Variants in MSX2 observed in about 807,000 individuals in gnomAD.
The protein encoded by MSX2 is msh homeobox 2, also known as homeobox protein MSX-2.
A neutral mutation model predicts 18.4 loss-of-function variants in MSX2; 10 were observed. That is an observed-to-expected ratio of 0.54 (90% CI 0.34 to 0.92). MSX2 has a LOEUF of 0.92. Among genes scored for constraint, MSX2 ranks in the 40% least tolerant of loss-of-function variants. The pLI, the probability that MSX2 is intolerant of heterozygous loss-of-function variation, is 0.02. For synonymous variants in MSX2, 170 were observed against 165.6 expected (o/e 1.03, Z -0.20); for missense variants, 339 against 364.0 (o/e 0.93, Z 0.56).
At chr5:174,727,005 C>T (rs1296527617) in intron 1 of MSX2, among the ~76,000 whole-genome samples, 1 of 151,772 alleles carries the variant, frequency 6.6e-6, no homozygotes, top group Non-Finnish European at 1.5e-5. Context: ...TTCTGAGAAC[C>T]GAGTTTATAA....
chr5:174,726,729 T>C (rs1760808415), intron 1 of MSX2, among the ~76,000 whole-genome samples: 1 of 152,130 alleles, frequency 6.6e-6, no homozygotes, highest in African/African-American at 2.4e-5. Flanking sequence ...TTATCGACAG[T>C]GAGGTAGAGG....
Position 174,725,009 on chromosome 5 carries a change from A to G in MSX2, c.350A>G (p.Gln117Arg). Residue 117 changes from glutamine (Q) to arginine (R), a missense_variant, in exon 1 of 2, where the codon CAG becomes CGG. Physicochemically the swap from Gln to Arg is conservative, Grantham distance 43. This residue lies in a region of MSX2 where 211 missense variants were observed against 185.4 expected (regional missense o/e 1.14). Coordinates refer to ENST00000239243, the MANE Select transcript of MSX2 (RefSeq NM_002449.5). Reference sequence around the variant, plus strand: ...TCAGAAGATGGAGCGGCGTGGATGCAGGAACCCGGCCGATATTCGCCGCCG... The same window carrying G: ...TCAGAAGATGGAGCGGCGTGGATGCGGGAACCCGGCCGATATTCGCCGCCG... Reference protein sequence around the residue: ...ENSEDGAAWMQEPGRYSPPPR... With the variant: ...ENSEDGAAWMREPGRYSPPPR... 8.7e-6 allele frequency: 14 copies of G among 1,610,608 alleles called. No individual in the cohort carries two copies. The highest frequency in any genetic ancestry group is 1.0e-5 in the Non-Finnish European group (12 of 1,179,472).
At position 174,725,020 on chromosome 5, in the gene MSX2, C is replaced by G; in HGVS notation, c.361C>G (p.Arg121Gly). 3 of 1,610,604 alleles carry G rather than the reference C, an allele frequency of 1.9e-6. No homozygotes were observed. Among genetic ancestry groups the G allele is most frequent in the Middle Eastern group, 1.7e-4 (1 of 6,058 alleles). The part of the protein sequence containing the change: ...DGAAWMQEPG[R>G]YSPPPRHMSP... ...AGCGGCGTGGATGCAGGAACCCGGC[C>G]GATATTCGCCGCCGCCAAGTGAGTG... The change falls in exon 1 of 2, where the codon CGA (arginine) becomes GGA (glycine). Residue 121 changes from arginine to glycine, a missense_variant. Coordinates refer to ENST00000239243, the MANE Select transcript of MSX2 (RefSeq NM_002449.5).
rs1760872105 is a variant in MSX2 at position 174,729,238 on chromosome 5, G to A, written c.459G>A (p.Gln153=). The A allele has an allele frequency of 6.2e-7, 1 of 1,614,126 alleles. No individual in the cohort carries two copies. Among genetic ancestry groups the A allele is most frequent in the East Asian group, 2.2e-5 (1 of 44,866 alleles). Residue 153 remains glutamine (Q), a synonymous_variant, in exon 2 of 2, where the codon CAG becomes CAA. Coordinates refer to ENST00000239243, the MANE Select transcript of MSX2 (RefSeq NM_002449.5). The part of the protein sequence containing the change: ...RKPRTPFTTS[Q]LLALERKFRQ... ...CGCGCACGCCCTTTACCACATCCCA[G>A]CTCCTCGCCCTGGAGCGCAAGTTCC...
chr5:174,730,835 C>T lies in MSX2; in HGVS notation c.*1252C>T, dbSNP rs1172220797. On this transcript the variant is annotated 3_prime_UTR_variant, in exon 2 of 2. Transcript: ENST00000239243. Reference sequence around the variant, plus strand: ...TTGATATATTTTATTGAAGAGTTATCTCTTATTCTGAATTAAATTAAGCAT... The same window carrying T: ...TTGATATATTTTATTGAAGAGTTATTTCTTATTCTGAATTAAATTAAGCAT... The T allele has an allele frequency of 5.2e-5, 8 of 152,566 alleles. No individual in the cohort carries two copies. The highest frequency in any genetic ancestry group is 2.0e-4 in the Admixed American group (3 of 15,272). 9.5% of individuals were successfully genotyped at this position (152,566 alleles called of 1,614,324 possible).
At chr5:174,725,287 G>T (rs1760766209) in intron 1 of MSX2, among the ~76,000 whole-genome samples, 4 of 152,222 alleles carry the variant, frequency 2.6e-5, no homozygotes, top group Non-Finnish European at 1.5e-5. Context: ...CATACAGATT[G>T]TTTTTTCAAG....
Position 174,724,617 on chromosome 5 carries a change from C to G in MSX2, c.-43C>G, listed in dbSNP as rs1030537362. 3.8e-6 allele frequency: 6 copies of G among 1,560,664 alleles called. No homozygotes were observed. In the Admixed American group the frequency reaches 5.7e-5, roughly 15 times the overall value. On this transcript the variant is annotated 5_prime_UTR_variant, in exon 1 of 2. Transcript: ENST00000239243. ...AGTTTGAGTCGCCGCTGCCGGGTTG[C>G]CAGCGGAGTCGCGCGTCGGGAGCTA... is the stretch of plus-strand genomic sequence containing the variant.
chr5:174,725,080 A>C (rs1361765346), intron 1 of MSX2, 42 bp downstream of exon 1: 1 of 1,603,974 alleles, frequency 6.2e-7, no homozygotes, highest in South Asian at 1.1e-5. Flanking sequence ...AGCGCGGGGT[A>C]CTGGAGGGAG....
At chr5:174,726,760 A>G (rs1760808844) in intron 1 of MSX2, among the ~76,000 whole-genome samples, 2 of 152,128 alleles carry the variant, frequency 1.3e-5, no homozygotes, top group African/African-American at 4.8e-5. Flanking sequence ...TAAAAGACTT[A>G]ATTTGTTTAA....
At position 174,724,956 on chromosome 5, in the gene MSX2, C is replaced by A; in HGVS notation, c.297C>A (p.Phe99Leu). ...GCCCCGGGCCGCTGGTGAAGCCCTT[C>A]GAGACCGCCTCGGTCAAGTCGGAAA... ...AHSPGPLVKP[F>L]ETASVKSENS... Residue 99 changes from phenylalanine to leucine, a missense_variant, in exon 1 of 2, where the codon TTC becomes TTA. Transcript: ENST00000239243. 1 of 1,599,842 alleles carries A rather than the reference C, an allele frequency of 6.3e-7. No homozygotes were observed. Among genetic ancestry groups the A allele is most frequent in the Non-Finnish European group, 8.5e-7 (1 of 1,175,354 alleles).
Position 174,729,671 on chromosome 5 carries a change from C to G in MSX2, c.*88C>G, listed in dbSNP as rs936783798. On this transcript the variant is annotated 3_prime_UTR_variant, in exon 2 of 2. Transcript: ENST00000239243. ...CACGAAGGCAGTACCAGCCAGTACT[C>G]CTGCTCTGCTAACCCTGCGTGCACC... is the stretch of plus-strand genomic sequence containing the variant. 7.2e-7 allele frequency: 1 copy of G among 1,386,194 alleles called. No homozygotes were observed. The allele number at this position is 1,386,194 out of a possible 1,614,324, so 85.9% of individuals were successfully genotyped here.
chr5:174,728,234 A>G (rs1760845989), intron 1 of MSX2, among the ~76,000 whole-genome samples: 3 of 152,206 alleles, frequency 2.0e-5, no homozygotes, highest in Non-Finnish European at 4.4e-5. Flanking sequence ...GATGACTAAG[A>G]TGTCATCACG....
In MSX2 at chr5:174,730,582, A is replaced by AG. The variant is rs1356963137; in HGVS notation, c.*999_*1000insG. On this transcript the variant is annotated 3_prime_UTR_variant, in exon 2 of 2. Transcript: ENST00000239243. Reference sequence around the variant, plus strand: ...TGAACAATTAGTAGATCCAGAAAGAAAAAAAAATATGCTTTCTCTGTGTGT... The same window carrying AG: ...TGAACAATTAGTAGATCCAGAAAGAAGAAAAAAATATGCTTTCTCTGTGTGT... 6.6e-6 allele frequency: 1 copy of AG among 152,114 alleles called. No homozygotes were observed. The highest frequency in any genetic ancestry group is 1.5e-5 in the Non-Finnish European group (1 of 67,896). 9.4% of individuals were successfully genotyped at this position (152,114 alleles called of 1,614,324 possible).
In MSX2 at chr5:174,729,495, C is replaced by T. The variant is rs1176289041; in HGVS notation, c.716C>T (p.Ser239Phe). ...CAGGCAGCGTCCATATATGGAGCAT[C>T]CTACCCGTTCCATAGACCTGTGCTT... ...PLQAASIYGA[S>F]YPFHRPVLPI... is the part of the protein sequence containing the mutation. The change falls in exon 2 of 2, where the codon TCC becomes TTC. Residue 239 changes from serine (S) to phenylalanine (F), a missense_variant. By Grantham distance (155) the Ser-to-Phe change is radical. Transcript: ENST00000239243. 7 of 1,613,994 alleles carry T rather than the reference C, an allele frequency of 4.3e-6. No individual in the cohort carries two copies. Among genetic ancestry groups the T allele is most frequent in the Non-Finnish European group, 5.9e-6 (7 of 1,179,870 alleles).
rs371076863 is a variant in MSX2, at chr5:174,724,610, C to A, written c.-50C>A. 1 of 1,554,364 alleles carries A rather than the reference C, an allele frequency of 6.4e-7. No individual in the cohort carries two copies. The highest frequency in any genetic ancestry group is 1.2e-5 in the South Asian group (1 of 84,748). ...GCAAAAAAGTTTGAGTCGCCGCTGC[C>A]GGGTTGCCAGCGGAGTCGCGCGTCG... On this transcript the variant is annotated 5_prime_UTR_variant, in exon 1 of 2. Transcript: ENST00000239243.
intron 1 of MSX2, among the ~76,000 whole-genome samples, chr5:174,728,670 T>A (rs536530189): frequency 6.6e-6 from 1 of 152,338 alleles, no homozygotes; most frequent in East Asian, 1.9e-4. Context: ...CTCCCATTTT[T>A]AAAGAGAAGA....
At chr5:174,727,110 C>T (rs898936765) in intron 1 of MSX2, among the ~76,000 whole-genome samples, 18 of 151,884 alleles carry the variant, frequency 1.2e-4, no homozygotes, top group Admixed American at 4.6e-4. Context: ...TGCTTTGGGC[C>T]TGGAGGTGGC....
At chr5:174,727,691 T>A (rs1014681470) in intron 1 of MSX2, among the ~76,000 whole-genome samples, 2 of 152,222 alleles carry the variant, frequency 1.3e-5, no homozygotes, top group Admixed American at 6.5e-5. Context: ...TATCCTTCCC[T>A]TTCCCAGATT....
rs10057483 is a variant in MSX2, at chr5:174,728,997, A to G, written c.380-162A>G. Among the ~76,000 whole-genome samples, 460 of 131,536 alleles carry G rather than the reference A, an allele frequency of 3.5e-3. 1 individual carries two copies. Among genetic ancestry groups the G allele is most frequent in the South Asian group, 0.014 (53 of 3,920 alleles). The allele number at this position is 131,536 out of a possible 152,430, so 86.3% of individuals were successfully genotyped here. ...TGTGTGTGTGTGTGTGTGTGTGTGT[A>G]TATGTATGTATATATAGATTTTTTT... On this transcript the variant is annotated intron_variant, in intron 1 of 1. Coordinates refer to ENST00000239243, the MANE Select transcript of MSX2 (RefSeq NM_002449.5).
Sources: gnomAD v4.1 joint callset for allele counts (sites outside exome capture counted in the v4.1 genomes callset) on GRCh38, gnomAD v4.1.1 for gene constraint, gnomAD v4.1.1 regional missense constraint, MANE v1.5 for transcripts, NCBI Gene and HGNC (gene_info 2026-07-23, HGNC 2026-07-21) for gene names.